The following HS6ST1 variants were observed in gnomAD, a reference collection of about 807,000 sequenced individuals.
HS6ST1 encodes heparan-sulfate 6-O-sulfotransferase 1.
HS6ST1 carries 3 observed loss-of-function variants against 25.2 expected under a neutral mutation model. The observed-to-expected ratio is 0.12, with a 90% CI of 0.05 to 0.31. The LOEUF (loss-of-function observed/expected upper bound fraction) is 0.31, where lower values mean the gene tolerates loss of function less well. Ranked by LOEUF, HS6ST1 falls within the 10% of genes least tolerant of loss-of-function variation. The probability of loss-of-function intolerance (pLI) is 1.00; values close to 1 mark genes in which losing one functional copy is unlikely to be tolerated. For synonymous variants in HS6ST1, 204 were observed against 275.1 expected, an observed-to-expected ratio of 0.74 and a Z score of 2.56; for missense variants, 310 against 609.6, an observed-to-expected ratio of 0.51 and a Z score of 5.18.
chr2:128,272,159 T>C (rs1256014937), intron 1 of HS6ST1, among the ~76,000 whole-genome samples: 1 of 152,198 alleles, frequency 6.6e-6, no homozygotes, highest in East Asian at 1.9e-4. Flanking sequence ...TCAGGGCCTC[T>C]GCCGTGGAGG....
In HS6ST1 at chr2:128,301,883, G is replaced by A. The variant is rs79491076; in HGVS notation, c.527+16154C>T. On this transcript the variant is annotated intron_variant, in intron 1 of 1. Transcript: ENST00000259241. The stretch of plus-strand genomic sequence containing the variant: ...GCTCACGCAGGCATCACGGCTGCCA[G>A]ACAGTCAGGGACACCATGCTGGCCG... Among the ~76,000 whole-genome samples, 1,215 of 152,300 alleles carry A rather than the reference G, an allele frequency of 8.0e-3. 14 individuals carry two copies. Among genetic ancestry groups the A allele is most frequent in the African/African-American group, 0.025 (1,042 of 41,552 alleles).
intron 1 of HS6ST1, among the ~76,000 whole-genome samples, chr2:128,274,016 C>T (rs10202094): frequency 0.44 from 66,822 of 151,950 alleles, 15,355 homozygotes; most frequent in East Asian, 0.72. Context: ...GCCTCGCACC[C>T]CCTGCTGAAG....
At chr2:128,299,298 C>A (rs540771391) in intron 1 of HS6ST1, among the ~76,000 whole-genome samples, 1 of 152,378 alleles carries the variant, frequency 6.6e-6, no homozygotes, top group African/African-American at 2.4e-5. Context: ...ACTGAGGCCA[C>A]AGCTGCACCC....
At chr2:128,312,486 C>T (rs997192766) in intron 1 of HS6ST1, among the ~76,000 whole-genome samples, 7 of 152,214 alleles carry the variant, frequency 4.6e-5, no homozygotes, top group Non-Finnish European at 8.8e-5. Flanking sequence ...ACGCCTGTTC[C>T]TCATAGAGGC....
intron 1 of HS6ST1, 37 bp from the exon 2 acceptor site, chr2:128,268,907 C>T (rs369544415): frequency 8.4e-5 from 132 of 1,563,778 alleles, no homozygotes; most frequent in Admixed American, 1.0e-4. Context: ...AGGGCTGTGA[C>T]GCAGCATGAG....
intron 1 of HS6ST1, among the ~76,000 whole-genome samples, chr2:128,294,778 A>G (rs4662790): frequency 0.69 from 103,565 of 151,170 alleles, 36,873 homozygotes; most frequent in African/African-American, 0.87. Context: ...GGATTTCCTG[A>G]CTGTGGCCCA....
rs1693525340 is a variant in HS6ST1 at position 128,266,952 on chromosome 2, G to C, written c.*1210C>G. 1.3e-5 allele frequency: 2 copies of C among 152,134 alleles called. No homozygotes were observed. Among genetic ancestry groups the C allele is most frequent in the Admixed American group, 1.3e-4 (2 of 15,274 alleles). The allele number at this position is 152,134 out of a possible 1,614,324, so 9.4% of individuals were successfully genotyped here. ...CTTTTGCCAGGGGGTGGGGAGCATGGGGAAATGCAAGGAGAGCCAGGGTGG... is the reference window on the plus strand; with the variant it reads ...CTTTTGCCAGGGGGTGGGGAGCATGCGGAAATGCAAGGAGAGCCAGGGTGG... On this transcript the variant is annotated 3_prime_UTR_variant, in exon 2 of 2. Coordinates refer to ENST00000259241, the MANE Select transcript of HS6ST1 (RefSeq NM_004807.3).
chr2:128,312,149 G>C (rs1379735454), intron 1 of HS6ST1, among the ~76,000 whole-genome samples: 1 of 152,210 alleles, frequency 6.6e-6, no homozygotes, highest in Non-Finnish European at 1.5e-5. Context: ...GCTGGTCTGG[G>C]CCAGCGGCAA....
intron 1 of HS6ST1, among the ~76,000 whole-genome samples, chr2:128,279,213 C>G (rs984852757): frequency 6.6e-6 from 1 of 152,100 alleles, no homozygotes; most frequent in Non-Finnish European, 1.5e-5. Context: ...GGGTCTAACC[C>G]ACAAGTTTCT....
intron 1 of HS6ST1, among the ~76,000 whole-genome samples, chr2:128,299,035 C>A (rs1003618666): frequency 3.3e-5 from 5 of 152,212 alleles, no homozygotes; most frequent in African/African-American, 1.2e-4. Context: ...ATGAGAGGAC[C>A]AGAGGCCAAG....
At chr2:128,269,942 G>A (rs540095530) in intron 1 of HS6ST1, among the ~76,000 whole-genome samples, 12 of 152,326 alleles carry the variant, frequency 7.9e-5, no homozygotes, top group East Asian at 7.7e-4. Context: ...AGCACAAAGC[G>A]CTTCTTGGTG....
At chr2:128,282,173 AAT>A (rs1185263945) in intron 1 of HS6ST1, among the ~76,000 whole-genome samples, 1 of 152,248 alleles carries the variant, frequency 6.6e-6, no homozygotes, top group Non-Finnish European at 1.5e-5. Context: ...TAGGAACAAA[AAT>A]CACAGCCCGT....
chr2:128,265,629 TATAA>T lies in HS6ST1; in HGVS notation c.*2529_*2532del, dbSNP rs1165246378. 2 of 152,272 alleles carry T rather than the reference TATAA, an allele frequency of 1.3e-5. No individual in the cohort carries two copies. The highest frequency in any genetic ancestry group is 4.8e-5 in the African/African-American group (2 of 41,476). 9.4% of individuals were successfully genotyped at this position (152,272 alleles called of 1,614,324 possible). A position where few individuals can be genotyped will look rare whatever the true frequency, so the allele number is the denominator to read the frequency against. Reference sequence around the variant, plus strand: ...TCAACACTTTTTTTTAAGAAGAAGCTATAAATAAATAAAGCTTTAAACAATCCTG... The same window carrying T: ...TCAACACTTTTTTTTAAGAAGAAGCTATAAATAAAGCTTTAAACAATCCTG... On this transcript the variant is annotated 3_prime_UTR_variant, in exon 2 of 2. Coordinates refer to ENST00000259241, the MANE Select transcript of HS6ST1 (RefSeq NM_004807.3).
Position 128,265,981 on chromosome 2 carries a change from C to T in HS6ST1, c.*2181G>A, listed in dbSNP as rs1382187550. The T allele has an allele frequency of 6.6e-6, 1 of 151,426 alleles. No individual in the cohort carries two copies. Among genetic ancestry groups the T allele is most frequent in the African/African-American group, 2.4e-5 (1 of 41,142 alleles). 9.4% of individuals were successfully genotyped at this position (151,426 alleles called of 1,614,324 possible). ...GCCGCCGCCTCTGGACACCTCAGCCCGGCGCTGGCCCGAGAGGAGACTGCT... is the reference window on the plus strand; with the variant it reads ...GCCGCCGCCTCTGGACACCTCAGCCTGGCGCTGGCCCGAGAGGAGACTGCT... On this transcript the variant is annotated 3_prime_UTR_variant, in exon 2 of 2. Coordinates refer to ENST00000259241, the MANE Select transcript of HS6ST1 (RefSeq NM_004807.3).
intron 1 of HS6ST1, among the ~76,000 whole-genome samples, chr2:128,313,339 A>T (rs1194157637): frequency 6.6e-6 from 1 of 152,162 alleles, no homozygotes; most frequent in African/African-American, 2.4e-5. Context: ...GCACTCACCC[A>T]CTGCCAACCA....
chr2:128,269,832 C>A (rs972297753), intron 1 of HS6ST1, among the ~76,000 whole-genome samples: 2 of 152,198 alleles, frequency 1.3e-5, no homozygotes, highest in African/African-American at 4.8e-5. Context: ...CGCCAGGATT[C>A]CCCAGATGGC....
chr2:128,303,104 C>T (rs1208102653), intron 1 of HS6ST1, among the ~76,000 whole-genome samples: 2 of 152,372 alleles, frequency 1.3e-5, no homozygotes, highest in African/African-American at 4.8e-5. Context: ...AAATGCCAGG[C>T]TTTTCTGGGG....
chr2:128,276,751 G>C lies in HS6ST1; in HGVS notation c.528-7881C>G, dbSNP rs374845351. Among the ~76,000 whole-genome samples, 12 of 152,152 alleles carry C rather than the reference G, an allele frequency of 7.9e-5. No individual in the cohort carries two copies. In the East Asian group the frequency reaches 2.1e-3, roughly 27 times the overall value. On this transcript the variant is annotated intron_variant, in intron 1 of 1. Transcript: ENST00000259241. ...GGTGAACCAGTCTTGTAAAGCCAGAGCCTCCGTCCCCAGAGCTCCCCGCCA... is the reference window on the plus strand; with the variant it reads ...GGTGAACCAGTCTTGTAAAGCCAGACCCTCCGTCCCCAGAGCTCCCCGCCA...
intron 1 of HS6ST1, among the ~76,000 whole-genome samples, chr2:128,299,732 GGA>G (rs1234859698): frequency 6.6e-6 from 1 of 152,172 alleles, no homozygotes; most frequent in African/African-American, 2.4e-5. Context: ...CCCAGCTGGC[GGA>G]GAGACAGAGG....
Sources: allele counts gnomAD v4.1 joint callset (sites outside exome capture counted in the v4.1 genomes callset), GRCh38; gene constraint gnomAD v4.1.1; transcripts MANE v1.5; gene names NCBI Gene and HGNC (gene_info 2026-07-23, HGNC 2026-07-21).